The following PKN2 variants were observed in gnomAD, a reference collection of about 807,000 sequenced individuals.
PKN2 encodes the protein serine/threonine-protein kinase N2.
Under a neutral mutation model 119.1 loss-of-function variants are expected in PKN2, and 38 were observed. The observed-to-expected ratio is 0.32, with a 90% CI of 0.25 to 0.42. The LOEUF (loss-of-function observed/expected upper bound fraction) is 0.42, where lower values mean the gene tolerates loss of function less well. Among genes scored for constraint, PKN2 ranks in the 10% least tolerant of loss-of-function variants. The pLI, the probability that PKN2 is intolerant of heterozygous loss-of-function variation, is 1.00. For missense variants in PKN2, 850 were observed against 1,165.1 expected, an observed-to-expected ratio of 0.73 and a Z score of 3.94; for synonymous variants, 390 against 384.9, an observed-to-expected ratio of 1.01 and a Z score of -0.15.
At chr1:88,811,523 T>C (rs1273994140) in intron 15 of PKN2, among the ~76,000 whole-genome samples, 2 of 152,120 alleles carry the variant, frequency 1.3e-5, no homozygotes, top group Admixed American at 6.6e-5. Context: ...ATACAAACAA[T>C]AGCAGTTCTT....
At chr1:88,825,489 C>T (rs760553198) in intron 18 of PKN2, among the ~76,000 whole-genome samples, 2 of 152,168 alleles carry the variant, frequency 1.3e-5, no homozygotes, top group East Asian at 3.9e-4. Flanking sequence ...GTGTTGGTAT[C>T]ACAATCCCCT....
At chr1:88,712,237 G>T (rs144280568) in intron 1 of PKN2, among the ~76,000 whole-genome samples, 2 of 152,178 alleles carry the variant, frequency 1.3e-5, no homozygotes, top group African/African-American at 4.8e-5. Flanking sequence ...AGAGTAGCTT[G>T]CTCTTTATAT....
At chr1:88,705,294 T>C (rs1044893219) in intron 1 of PKN2, among the ~76,000 whole-genome samples, 1 of 152,170 alleles carries the variant, frequency 6.6e-6, no homozygotes, top group African/African-American at 2.4e-5. Flanking sequence ...GGTTTTACAT[T>C]TAGTTTTATG....
At chr1:88,708,419 C>A (rs1667088654) in intron 1 of PKN2, among the ~76,000 whole-genome samples, 1 of 151,624 alleles carries the variant, frequency 6.6e-6, no homozygotes. Flanking sequence ...CTGCTTATAT[C>A]CATGGAAAAA....
At chr1:88,804,616 T>C (rs1008809560) in intron 9 of PKN2, 82 bp downstream of exon 9, 1 of 1,343,770 alleles carries the variant, frequency 7.4e-7, no homozygotes, top group Non-Finnish European at 1.1e-6. Context: ...GTAGAAAGAG[T>C]GTTAGGCTGA....
chr1:88,807,609 T>TATTA lies in PKN2; in HGVS notation c.2010+5_2010+6insATTA. The TATTA allele has an allele frequency of 6.2e-7, 1 of 1,605,642 alleles. No homozygotes were observed. Among genetic ancestry groups the TATTA allele is most frequent in the Admixed American group, 1.7e-5 (1 of 59,342 alleles). On this transcript the variant is annotated splice_donor_region_variant and intron_variant, in intron 14 of 21. Transcript: ENST00000370521. Reference sequence around the variant, plus strand: ...GGAAGAGGACATTTTGGAAAGGTAATCTTTTTGGAATTTTTTGGAATATCT... The same window carrying TATTA: ...GGAAGAGGACATTTTGGAAAGGTAATATTACTTTTTGGAATTTTTTGGAATATCT...
chr1:88,829,234 C>T (rs542595956), intron 19 of PKN2: 19 of 712,328 alleles, frequency 2.7e-5, no homozygotes, highest in Middle Eastern at 2.5e-4. Flanking sequence ...CGATAAAAGC[C>T]ATGTTGAGTG....
chr1:88,736,622 C>T (rs1336447288), intron 1 of PKN2, among the ~76,000 whole-genome samples: 1 of 152,194 alleles, frequency 6.6e-6, no homozygotes, highest in African/African-American at 2.4e-5. Flanking sequence ...ACCTTAGCCT[C>T]CCAGTTGTTG....
chr1:88,691,784 A>G (rs1220122275), intron 1 of PKN2, among the ~76,000 whole-genome samples: 1 of 152,228 alleles, frequency 6.6e-6, no homozygotes, highest in Admixed American at 6.5e-5. Context: ...AAAATAGGTG[A>G]GTACAGTATA....
chr1:88,752,343 G>A (rs960520910), intron 2 of PKN2, among the ~76,000 whole-genome samples: 3 of 151,812 alleles, frequency 2.0e-5, no homozygotes, highest in African/African-American at 7.3e-5. Context: ...GATACCCCTT[G>A]CATTTAGCTT....
In PKN2 at chr1:88,740,991, G is replaced by A. The variant is rs1438871655; in HGVS notation, c.52G>A (p.Asp18Asn). 1 of 1,554,388 alleles carries A rather than the reference G, an allele frequency of 6.4e-7. No individual in the cohort carries two copies. The highest frequency in any genetic ancestry group is 1.2e-5 in the South Asian group (1 of 80,330). ...GEILLTELQG[D>N]SRSLPFSENV... The stretch of plus-strand genomic sequence containing the variant: ...TGTATGTTTATTTTTTCTGTAGGGG[G>A]ATTCCCGAAGTCTTCCGTTTTCTGA... Residue 18 changes from aspartate (D) to asparagine (N), a missense_variant, in exon 2 of 22, where the codon GAT becomes AAT. Asp to Asn is a conservative substitution (Grantham distance 23). Transcript: ENST00000370521.
rs1409694802 is a variant in PKN2 at position 88,741,269 on chromosome 1, A to G, written c.330A>G (p.Ser110=). 1 of 1,575,868 alleles carries G rather than the reference A, an allele frequency of 6.3e-7. No homozygotes were observed. Among genetic ancestry groups the G allele is most frequent in the Non-Finnish European group, 8.6e-7 (1 of 1,165,356 alleles). Residue 110 remains serine, a synonymous_variant, in exon 2 of 22, where the codon TCA becomes TCG. Coordinates refer to ENST00000370521, the MANE Select transcript of PKN2 (RefSeq NM_006256.4). ...LQELNAHIVV[S]DPEDITDCPR... ...AATTAAATGCACATATTGTTGTATC[A>G]GATCCAGAAGATATTACAGGTATAG...
intron 16 of PKN2, among the ~76,000 whole-genome samples, chr1:88,817,269 C>T (rs988092422): frequency 1.3e-5 from 2 of 152,076 alleles, no homozygotes; most frequent in Non-Finnish European, 2.9e-5. Flanking sequence ...AAACGTAATC[C>T]ATCACATAAA....
chr1:88,760,482 T>TA (rs1256946468), intron 3 of PKN2, 106 bp downstream of exon 3: 17 of 609,116 alleles, frequency 2.8e-5, no homozygotes, highest in African/African-American at 2.7e-4. Context: ...CCAACATCAG[T>TA]ACTGGTGGCA....
intron 1 of PKN2, among the ~76,000 whole-genome samples, chr1:88,715,879 T>C (rs947912472): frequency 3.3e-5 from 5 of 152,192 alleles, no homozygotes; most frequent in Non-Finnish European, 7.3e-5. Flanking sequence ...CTTTTAATTG[T>C]GATGTTAGGG....
At chr1:88,751,286 C>T (rs1668983199) in intron 2 of PKN2, among the ~76,000 whole-genome samples, 1 of 151,908 alleles carries the variant, frequency 6.6e-6, no homozygotes, top group South Asian at 2.1e-4. Context: ...TTCATATATA[C>T]ACACATACAC....
At chr1:88,712,364 A>G (rs547817910) in intron 1 of PKN2, among the ~76,000 whole-genome samples, 108 of 152,290 alleles carry the variant, frequency 7.1e-4, no homozygotes, top group African/African-American at 1.9e-3. Flanking sequence ...TGATGTATCA[A>G]AATACCTATA....
chr1:88,742,123 A>G (rs949839878), intron 2 of PKN2, among the ~76,000 whole-genome samples: 1 of 152,174 alleles, frequency 6.6e-6, no homozygotes, highest in South Asian at 2.1e-4. Flanking sequence ...GCCTCAAGAC[A>G]TTATCAATCT....
chr1:88,728,333 T>C (rs1667980621), intron 1 of PKN2, among the ~76,000 whole-genome samples: 1 of 152,114 alleles, frequency 6.6e-6, no homozygotes, highest in African/African-American at 2.4e-5. Flanking sequence ...AACTCAGTCA[T>C]CTCTCAGGTC....
Sources: gnomAD v4.1 joint callset for allele counts (sites outside exome capture counted in the v4.1 genomes callset) on GRCh38, gnomAD v4.1.1 for gene constraint, MANE v1.5 for transcripts, NCBI Gene and HGNC (gene_info 2026-07-23, HGNC 2026-07-21) for gene names.